ZNF184: variants seen among roughly 807,000 people sequenced by gnomAD.
ZNF184 encodes the protein zinc finger protein 184, also known as zinc finger protein 184 (Kruppel-like).
A neutral mutation model predicts 54.4 loss-of-function variants in ZNF184; 16 were observed. The ratio of observed to expected loss-of-function variants is 0.29; its 90% CI spans 0.20 to 0.45. The LOEUF (loss-of-function observed/expected upper bound fraction) is 0.45. Among genes scored for constraint, ZNF184 ranks in the 20% least tolerant of loss-of-function variants. The pLI, the probability that ZNF184 is intolerant of heterozygous loss-of-function variation, is 1.00. For missense variants in ZNF184, 681 were observed against 888.2 expected (o/e 0.77, Z 2.97); for synonymous variants, 254 against 295.3 (o/e 0.86, Z 1.43).
chr6:27,456,741 C>G (rs933525322), intron 5 of ZNF184, 85 bp downstream of exon 5: 1 of 1,156,610 alleles, frequency 8.6e-7, no homozygotes, highest in Non-Finnish European at 1.3e-6. Flanking sequence ...GAAGAAAGTA[C>G]ATCTACACTT....
chr6:27,459,662 T>C (rs1222571980), intron 3 of ZNF184, among the ~76,000 whole-genome samples: 1 of 152,156 alleles, frequency 6.6e-6, no homozygotes. Context: ...TTCCTACTTC[T>C]AGGAATTTAT....
At chr6:27,420,807 C>G in the ZNF184 span, among the ~76,000 whole-genome samples, 1 of 152,190 alleles carries the variant, frequency 6.6e-6, no homozygotes, top group African/African-American at 2.4e-5. Context: ...TACAAAGGAG[C>G]AGCTTTATTC....
the ZNF184 span, among the ~76,000 whole-genome samples, chr6:27,422,754 C>A: frequency 1.3e-5 from 2 of 152,200 alleles, no homozygotes; most frequent in East Asian, 3.8e-4. Context: ...ACTATCTGTT[C>A]CCCGCAGTAT....
the ZNF184 span, among the ~76,000 whole-genome samples, chr6:27,422,135 T>A: frequency 1.5e-5 from 1 of 67,020 alleles, no homozygotes; most frequent in Non-Finnish European, 2.7e-5. Context: ...GACGAGGCCG[T>A]ACCTCAAAAA....
chr6:27,451,718 T>C lies in ZNF184; in HGVS notation c.1841A>G (p.Tyr614Cys), dbSNP rs1265450638. ...GGCTTTACCACACTCAGCACACTCA[T>C]AAGGCTTGGCTCCTGTATGAATTCT... ...HKRIHTGAKP[Y>C]ECAECGKAFR... Residue 614 changes from tyrosine (Y) to cysteine (C), a missense_variant, in exon 6 of 6, where the codon TAT (tyrosine) becomes TGT (cysteine). Transcript: ENST00000683788. 6.2e-7 allele frequency: 1 copy of C among 1,614,010 alleles called. No individual in the cohort carries two copies. The highest frequency in any genetic ancestry group is 1.1e-5 in the South Asian group (1 of 91,054).
At chr6:27,405,919 A>ACT in the ZNF184 span, 1 of 152,118 alleles carries the variant, frequency 6.6e-6, no homozygotes, top group Non-Finnish European at 1.5e-5. Context: ...TTACATGCAC[A>ACT]TCTAGTTTAA....
the ZNF184 span, chr6:27,407,841 G>A: frequency 1.5e-5 from 12 of 783,620 alleles, 1 homozygote; most frequent in Non-Finnish European, 2.8e-5. Context: ...AATCTCCACA[G>A]CCATCACTCA....
downstream of ZNF184, among the ~76,000 whole-genome samples, chr6:27,446,556 A>G (rs1156730169): frequency 6.6e-6 from 1 of 152,214 alleles, no homozygotes; most frequent in Non-Finnish European, 1.5e-5. Context: ...GGACACAGCC[A>G]CTGCAGAGAG....
rs1762710875 is a variant in ZNF184, at chr6:27,451,308, T to C, written c.2251A>G (p.Ile751Val). ...LNKHQRLHPGI is the reference protein window; with the variant it reads ...LNKHQRLHPGV Reference sequence around the variant, plus strand: ...TTATGATGTTCCTAGAATTGTCATATGCCAGGATGCAGTCTCTGATGTTTG... The same window carrying C: ...TTATGATGTTCCTAGAATTGTCATACGCCAGGATGCAGTCTCTGATGTTTG... Residue 751 changes from isoleucine to valine, a missense_variant, in exon 6 of 6, where the codon ATA (isoleucine) becomes GTA (valine). Ile to Val is a conservative substitution (Grantham distance 29). Coordinates refer to ENST00000683788, the MANE Select transcript of ZNF184 (RefSeq NM_001318891.2). 1.9e-6 allele frequency: 3 copies of C among 1,585,788 alleles called. No individual in the cohort carries two copies. The highest frequency in any genetic ancestry group is 1.7e-4 in the Middle Eastern group (1 of 5,920).
chr6:27,436,459 C>T, the ZNF184 span, among the ~76,000 whole-genome samples: 1 of 152,108 alleles, frequency 6.6e-6, no homozygotes, highest in African/African-American at 2.4e-5. Flanking sequence ...CCACTGTGCC[C>T]GGCCTTATGA....
chr6:27,431,166 G>A, the ZNF184 span, among the ~76,000 whole-genome samples: 4 of 152,340 alleles, frequency 2.6e-5, no homozygotes, highest in African/African-American at 7.2e-5. Flanking sequence ...TGTTGTTCCA[G>A]ATTTCCCTTG....
chr6:27,416,934 A>G, the ZNF184 span, among the ~76,000 whole-genome samples: 1 of 152,140 alleles, frequency 6.6e-6, no homozygotes, highest in Admixed American at 6.5e-5. Flanking sequence ...AGATAGAAAA[A>G]TCCCAAATTA....
At chr6:27,410,212 T>G in the ZNF184 span, among the ~76,000 whole-genome samples, 1 of 152,220 alleles carries the variant, frequency 6.6e-6, no homozygotes, top group Non-Finnish European at 1.5e-5. Context: ...TGTAATTTAA[T>G]TCACCACATT....
At chr6:27,427,116 T>TAAAAAAAAAAAAA in the ZNF184 span, among the ~76,000 whole-genome samples, 3 of 106,908 alleles carry the variant, frequency 2.8e-5, no homozygotes, top group African/African-American at 7.2e-5. Context: ...ACACTCTATG[T>TAAAAAAAAAAAAA]AAAAAAAAAA....
intron 3 of ZNF184, among the ~76,000 whole-genome samples, chr6:27,463,004 G>A (rs1287373401): frequency 2.0e-5 from 3 of 150,290 alleles, no homozygotes; most frequent in Non-Finnish European, 4.4e-5. Context: ...TTTTATGACT[G>A]TATTCCATAT....
At position 27,452,676 on chromosome 6, in the gene ZNF184, G is replaced by C; in HGVS notation, c.883C>G (p.Gln295Glu). 1 of 1,614,016 alleles carries C rather than the reference G, an allele frequency of 6.2e-7. No homozygotes were observed. Among genetic ancestry groups the C allele is most frequent in the Non-Finnish European group, 8.5e-7 (1 of 1,179,966 alleles). ...TCTCCAGTATGAATTCTTTGATGTT[G>C]AGTAAGAGATGGACCCTCAATGAAG... is the stretch of plus-strand genomic sequence containing the variant. ...KGFIEGPSLT[Q>E]HQRIHTGEKP... The change falls in exon 6 of 6, where the codon CAA becomes GAA. Residue 295 changes from glutamine (Q) to glutamate (E), a missense_variant. Transcript: ENST00000683788. The surrounding 1 kb of genome is among the most constrained non-coding windows in gnomAD (Gnocchi z 5.5).
chr6:27,448,177 C>T (rs776820956), downstream of ZNF184, among the ~76,000 whole-genome samples: 5 of 152,210 alleles, frequency 3.3e-5, no homozygotes, highest in Non-Finnish European at 5.9e-5. Context: ...TTCTCTATCT[C>T]AGTACATGGT....
chr6:27,453,325 T>A lies in ZNF184; in HGVS notation c.299-65A>T. On this transcript the variant is annotated intron_variant, in intron 5 of 5. Transcript: ENST00000683788. The surrounding 1 kb of genome is among the most constrained non-coding windows in gnomAD (Gnocchi z 4.7). ...AAAAAATAAACTGCTATTGTGGGAATAATATAATGATACTGAAAAATAAAT... is the reference window on the plus strand; with the variant it reads ...AAAAAATAAACTGCTATTGTGGGAAAAATATAATGATACTGAAAAATAAAT... 1.4e-6 allele frequency: 2 copies of A among 1,407,250 alleles called. No individual in the cohort carries two copies. 87.2% of individuals were successfully genotyped at this position (1,407,250 alleles called of 1,614,324 possible). A position where few individuals can be genotyped will look rare whatever the true frequency, so the allele number is the denominator to read the frequency against.
chr6:27,455,343 G>A (rs1324314787), intron 5 of ZNF184, among the ~76,000 whole-genome samples: 2 of 152,024 alleles, frequency 1.3e-5, no homozygotes, highest in Non-Finnish European at 1.5e-5. Flanking sequence ...GGGGGTGGGG[G>A]TTATTATTTT....
Sources: gnomAD v4.1 joint callset for allele counts (sites outside exome capture counted in the v4.1 genomes callset) on GRCh38, gnomAD v4.1.1 for gene constraint, Gnocchi (gnomAD v3.1) non-coding constraint, MANE v1.5 for transcripts, NCBI Gene and HGNC (gene_info 2026-07-23, HGNC 2026-07-21) for gene names.